The following TAFA1 variants were observed in gnomAD, a reference collection of about 807,000 sequenced individuals.
TAFA1 encodes TAFA chemokine like family member 1, also known as chemokine-like protein TAFA-1.
A neutral mutation model predicts 18.5 loss-of-function variants in TAFA1; 4 were observed. That is an observed-to-expected ratio of 0.22 (90% CI 0.11 to 0.49). The LOEUF is 0.49. Among genes scored for constraint, TAFA1 ranks in the 20% least tolerant of loss-of-function variants. The pLI, the probability that TAFA1 is intolerant of heterozygous loss-of-function variation, is 0.98. For synonymous variants in TAFA1, 56 were observed against 55.2 expected (o/e 1.01, Z -0.06); for missense variants, 147 against 169.0 (o/e 0.87, Z 0.72).
intron 3 of TAFA1, among the ~76,000 whole-genome samples, chr3:68,428,631 T>A (rs991431995): frequency 2.0e-5 from 3 of 151,950 alleles, no homozygotes; most frequent in Non-Finnish European, 4.4e-5. Context: ...CCATTTCACC[T>A]GTTTCGTTTA....
intron 1 of TAFA1, among the ~76,000 whole-genome samples, chr3:68,005,020 G>C (rs1704333425): frequency 6.6e-6 from 1 of 151,918 alleles, no homozygotes; most frequent in Non-Finnish European, 1.5e-5. Flanking sequence ...TTAAGTTTTG[G>C]TTGTGGCAGG....
chr3:68,228,776 G>A (rs1284008290), intron 2 of TAFA1, among the ~76,000 whole-genome samples: 1 of 152,160 alleles, frequency 6.6e-6, no homozygotes, highest in East Asian at 1.9e-4. Flanking sequence ...TGCCAAGACT[G>A]GAATAAAACC....
At chr3:68,045,886 CTT>C (rs1291228069) in intron 2 of TAFA1, among the ~76,000 whole-genome samples, 1 of 152,132 alleles carries the variant, frequency 6.6e-6, no homozygotes, top group Non-Finnish European at 1.5e-5. Context: ...TTCGAAAAGA[CTT>C]TATTCATAAC....
At chr3:68,453,131 GA>G (rs2071595447) in intron 3 of TAFA1, among the ~76,000 whole-genome samples, 1 of 152,104 alleles carries the variant, frequency 6.6e-6, no homozygotes, top group African/African-American at 2.4e-5. Context: ...CTAACCTCGA[GA>G]GTCACCCGAC....
At chr3:68,065,958 T>C (rs1575598539) in intron 2 of TAFA1, among the ~76,000 whole-genome samples, 3 of 152,226 alleles carry the variant, frequency 2.0e-5, no homozygotes, top group Middle Eastern at 6.8e-3. Context: ...CATGGATAAA[T>C]GTCAAAATCA....
At chr3:68,364,418 C>T (rs1301588214) in intron 2 of TAFA1, among the ~76,000 whole-genome samples, 1 of 151,884 alleles carries the variant, frequency 6.6e-6, no homozygotes, top group Non-Finnish European at 1.5e-5. Flanking sequence ...ATTCAGGAGG[C>T]ACATCTCCAA....
intron 2 of TAFA1, among the ~76,000 whole-genome samples, chr3:68,391,859 G>A (rs2070257573): frequency 6.6e-6 from 1 of 152,108 alleles, no homozygotes; most frequent in Non-Finnish European, 1.5e-5. Flanking sequence ...TCCTGAGGAA[G>A]CACTAAACAT....
intron 2 of TAFA1, among the ~76,000 whole-genome samples, chr3:68,112,111 C>G (rs1264155472): frequency 6.6e-6 from 1 of 151,482 alleles, no homozygotes; most frequent in East Asian, 1.9e-4. Flanking sequence ...AAATGCTATA[C>G]TCATATAGAG....
intron 2 of TAFA1, among the ~76,000 whole-genome samples, chr3:68,042,022 G>A (rs1415305952): frequency 6.6e-6 from 1 of 152,128 alleles, no homozygotes; most frequent in African/African-American, 2.4e-5. Flanking sequence ...TTTGCCAATA[G>A]TTTTAAAATA....
chr3:68,353,043 T>C (rs2069298212), intron 2 of TAFA1, among the ~76,000 whole-genome samples: 1 of 152,080 alleles, frequency 6.6e-6, no homozygotes, highest in Admixed American at 6.6e-5. Flanking sequence ...TCTCCTAAAA[T>C]TGGGCCTTTT....
At chr3:68,207,546 A>C (rs1054251822) in intron 2 of TAFA1, among the ~76,000 whole-genome samples, 1 of 151,938 alleles carries the variant, frequency 6.6e-6, no homozygotes, top group African/African-American at 2.4e-5. Context: ...ACACAATCTG[A>C]AACTCTGAGG....
intron 2 of TAFA1, among the ~76,000 whole-genome samples, chr3:68,287,673 G>C (rs2107269856): frequency 6.6e-6 from 1 of 152,198 alleles, no homozygotes; most frequent in South Asian, 2.1e-4. Flanking sequence ...CATTTTAAGT[G>C]TTTTAAAAAT....
intron 2 of TAFA1, among the ~76,000 whole-genome samples, chr3:68,135,374 G>A (rs1022297810): frequency 2.0e-5 from 3 of 152,168 alleles, no homozygotes; most frequent in African/African-American, 7.2e-5. Context: ...AGGACTCAGT[G>A]GTAGGGCAGG....
At chr3:68,075,698 C>CT (rs61592269) in intron 2 of TAFA1, among the ~76,000 whole-genome samples, 2,689 of 139,420 alleles carry the variant, frequency 0.019, 23 homozygotes, top group East Asian at 0.056. Context: ...TCTTCTTTCC[C>CT]TTTTTTTTTT....
At chr3:68,331,630 T>C (rs1028738262) in intron 2 of TAFA1, among the ~76,000 whole-genome samples, 2 of 152,018 alleles carry the variant, frequency 1.3e-5, no homozygotes, top group Non-Finnish European at 2.9e-5. Flanking sequence ...GTGACTTGCA[T>C]AGAATCACAA....
chr3:68,251,462 G>A (rs369391389), intron 2 of TAFA1, among the ~76,000 whole-genome samples: 75 of 152,100 alleles, frequency 4.9e-4, no homozygotes, highest in African/African-American at 1.6e-3. Context: ...GCCCACTCTA[G>A]ACCAGGCAAC....
intron 2 of TAFA1, among the ~76,000 whole-genome samples, chr3:68,228,725 A>G (rs1420915192): frequency 1.3e-5 from 2 of 152,218 alleles, no homozygotes; most frequent in African/African-American, 2.4e-5. Flanking sequence ...ACTTAAAAGA[A>G]ACAATTCTTT....
At chr3:68,402,103 CCAGA>C in intron 2 of TAFA1, among the ~76,000 whole-genome samples, 1 of 152,180 alleles carries the variant, frequency 6.6e-6, no homozygotes, top group Non-Finnish European at 1.5e-5. Context: ...GCTACATAAC[CCAGA>C]AGACAAAACT....
chr3:68,089,913 T>G lies in TAFA1; in HGVS notation c.118+83169T>G, dbSNP rs545479907. 2.6e-5 allele frequency among the ~76,000 whole-genome samples: 4 copies of G among 152,334 alleles called. No individual in the cohort carries two copies. In the South Asian group the frequency reaches 8.3e-4, roughly 32 times the overall value. On this transcript the variant is annotated intron_variant, in intron 2 of 4. Coordinates refer to ENST00000478136, the MANE Select transcript of TAFA1 (RefSeq NM_213609.4). ...AAAACATGTTCATGACTCACAGAGC[T>G]ATTATACGTGTGATCTCTGAGAATG...
Sources: gnomAD v4.1 joint callset for allele counts (sites outside exome capture counted in the v4.1 genomes callset) on GRCh38, gnomAD v4.1.1 for gene constraint, MANE v1.5 for transcripts, NCBI Gene and HGNC (gene_info 2026-07-23, HGNC 2026-07-21) for gene names.